The following IFT140 variants were observed in gnomAD, a reference collection of about 807,000 sequenced individuals.
The protein encoded by IFT140 is intraflagellar transport protein 140 homolog.
A neutral mutation model predicts 164.6 loss-of-function variants in IFT140; 133 were observed. That is an observed-to-expected ratio of 0.81 (90% CI 0.70 to 0.93). IFT140 has a LOEUF of 0.93. IFT140 is among the 40% of genes least tolerant of loss of function. IFT140 has a pLI of 0.00. For synonymous variants in IFT140, 860 were observed against 817.3 expected (o/e 1.05, Z -0.89); for missense variants, 2,045 against 1,972.3 (o/e 1.04, Z -0.70).
intron 30 of IFT140, chr16:1,513,253 GC>G (rs1208076052): frequency 6.6e-6 from 1 of 152,242 alleles, no homozygotes; most frequent in Non-Finnish European, 1.5e-5. Flanking sequence ...ACTTTGGGAG[GC>G]CGAGGTGGGC....
chr16:1,576,178 C>T (rs943207559), intron 13 of IFT140, among the ~76,000 whole-genome samples: 5 of 150,944 alleles, frequency 3.3e-5, no homozygotes, highest in African/African-American at 4.9e-5. Flanking sequence ...CCCAGCTACT[C>T]GGGAGGCTGA....
At chr16:1,576,388 G>A (rs968237639) in intron 13 of IFT140, among the ~76,000 whole-genome samples, 15 of 150,976 alleles carry the variant, frequency 9.9e-5, no homozygotes, top group African/African-American at 2.7e-4. Flanking sequence ...TCAAGAGATC[G>A]AGACCATCCT....
At chr16:1,598,943 G>A (rs1441474301) in intron 4 of IFT140, among the ~76,000 whole-genome samples, 3 of 146,530 alleles carry the variant, frequency 2.0e-5, no homozygotes, top group East Asian at 4.1e-4. Flanking sequence ...GTCTCCGCCC[G>A]GCCGCCATCC....
chr16:1,585,070 AAC>A (rs1283868679), intron 10 of IFT140, among the ~76,000 whole-genome samples: 1 of 152,244 alleles, frequency 6.6e-6, no homozygotes, highest in Non-Finnish European at 1.5e-5. Flanking sequence ...AGAGAACAGG[AAC>A]AGAGAGAAAT....
intron 19 of IFT140, among the ~76,000 whole-genome samples, chr16:1,527,414 G>A (rs961685509): frequency 1.6e-4 from 24 of 152,144 alleles, no homozygotes; most frequent in African/African-American, 5.8e-4. Flanking sequence ...GCCTGCAGAC[G>A]GGCTGACCAG....
At chr16:1,567,960 G>T (rs2078192218) in intron 15 of IFT140, among the ~76,000 whole-genome samples, 1 of 152,246 alleles carries the variant, frequency 6.6e-6, no homozygotes, top group African/African-American at 2.4e-5. Context: ...GATGAAGGAG[G>T]ACTTGGAGAA....
intron 9 of IFT140, 140 bp downstream of exon 9, chr16:1,587,058 G>T: frequency 1.5e-6 from 1 of 651,518 alleles, no homozygotes; most frequent in Non-Finnish European, 2.7e-6. Flanking sequence ...GCTTGCCCTT[G>T]CCCGACTATT....
chr16:1,584,334 G>A lies in IFT140; in HGVS notation c.1242C>T (p.His414=). 2 of 1,613,622 alleles carry A rather than the reference G, an allele frequency of 1.2e-6. No individual in the cohort carries two copies. Among genetic ancestry groups the A allele is most frequent in the South Asian group, 1.1e-5 (1 of 90,998 alleles). The change falls in exon 11 of 31, where the codon CAC becomes CAT. Residue 414 remains histidine, a synonymous_variant. Transcript: ENST00000426508. ...LSERAMSSHF[H]QQVAAMQVSP... is the part of the protein sequence containing the mutation. ...AGACCTGCATGGCGGCCACTTGCTGGTGGAAGTGTGACGACATGGCCCGCT... is the reference window on the plus strand; with the variant it reads ...AGACCTGCATGGCGGCCACTTGCTGATGGAAGTGTGACGACATGGCCCGCT...
intron 19 of IFT140, among the ~76,000 whole-genome samples, chr16:1,539,138 C>G (rs1029251082): frequency 5.3e-5 from 8 of 151,192 alleles, no homozygotes; most frequent in Non-Finnish European, 1.0e-4. Context: ...CAGACGGCCC[C>G]ACGCCTCAGG....
rs933559369 is a variant in IFT140 at position 1,612,033 on chromosome 16, C to T, written c.-287G>A. On this transcript the variant is annotated 5_prime_UTR_variant, in exon 1 of 31. Coordinates refer to ENST00000426508, the MANE Select transcript of IFT140 (RefSeq NM_014714.4). ...GCGCCCGATTCCACACTCCGAGCTACCACGCCGTTTTCTTCTCACGTATCC... is the reference window on the plus strand; with the variant it reads ...GCGCCCGATTCCACACTCCGAGCTATCACGCCGTTTTCTTCTCACGTATCC... 2.0e-5 allele frequency: 3 copies of T among 152,268 alleles called. No homozygotes were observed. The highest frequency in any genetic ancestry group is 4.4e-5 in the Non-Finnish European group (3 of 68,078). 9.4% of individuals were successfully genotyped at this position (152,268 alleles called of 1,614,324 possible).
At chr16:1,602,339 T>G in intron 4 of IFT140, 31 bp downstream of exon 4, 2 of 1,594,938 alleles carry the variant, frequency 1.3e-6, no homozygotes, top group East Asian at 4.5e-5. Context: ...GGTCAAGGTC[T>G]GAAAACAGCG....
intron 3 of IFT140, 120 bp downstream of exon 3, chr16:1,607,000 G>T: frequency 1.1e-6 from 1 of 936,602 alleles, no homozygotes; most frequent in Non-Finnish European, 1.7e-6. Flanking sequence ...ACAGATGCAT[G>T]TATACACACA....
Position 1,564,013 on chromosome 16 carries a change from C to A in IFT140, c.2051G>T (p.Gly684Val), listed in dbSNP as rs747136150. The change falls in exon 17 of 31, where the codon GGG (glycine) becomes GTG (valine). Residue 684 changes from glycine to valine, a missense_variant. Physicochemically the swap from Gly to Val is moderately radical, Grantham distance 109 (BLOSUM62 -3). Transcript: ENST00000426508. The surrounding 1 kb of genome is among the most constrained non-coding windows in gnomAD (Gnocchi z 5.5). ...PQSANGQPQD[G>V]RAGPAADVLI... ...AGAGCGTACCGCAGGGCCAGCGCGC[C>A]CATCTTGGGGCTGCCCGTTTGCAGA... 2 of 1,585,202 alleles carry A rather than the reference C, an allele frequency of 1.3e-6. No individual in the cohort carries two copies. Among genetic ancestry groups the A allele is most frequent in the South Asian group, 1.1e-5 (1 of 89,488 alleles).
At chr16:1,526,910 G>T in intron 19 of IFT140, 114 bp from the exon 20 acceptor site, 1 of 1,206,324 alleles carries the variant, frequency 8.3e-7, no homozygotes, top group Non-Finnish European at 1.1e-6. Context: ...AAACGGGCAT[G>T]AGGAGGGGCC....
At chr16:1,541,822 T>C in intron 19 of IFT140, 1 of 1,418,598 alleles carries the variant, frequency 7.0e-7, no homozygotes, top group South Asian at 1.4e-5. Flanking sequence ...CCGACCGCCC[T>C]TTCCGAGGCA....
intron 19 of IFT140, among the ~76,000 whole-genome samples, chr16:1,550,995 C>T (rs1313404386): frequency 2.6e-5 from 4 of 152,300 alleles, no homozygotes; most frequent in South Asian, 2.1e-4. Context: ...ACCAGGGTAG[C>T]GGCATCTACG....
chr16:1,593,796 T>C (rs1037031314), intron 4 of IFT140, among the ~76,000 whole-genome samples: 2 of 151,926 alleles, frequency 1.3e-5, no homozygotes, highest in Non-Finnish European at 2.9e-5. Flanking sequence ...CTGGTGGAGG[T>C]TGTGCTTGTG....
intron 13 of IFT140, among the ~76,000 whole-genome samples, chr16:1,576,187 G>A (rs1189901872): frequency 6.6e-6 from 1 of 151,352 alleles, no homozygotes; most frequent in African/African-American, 2.4e-5. Flanking sequence ...TCGGGAGGCT[G>A]AGAAAGGAGA....
chr16:1,529,152 G>C (rs1040430388), intron 19 of IFT140, among the ~76,000 whole-genome samples: 2 of 152,174 alleles, frequency 1.3e-5, no homozygotes, highest in African/African-American at 4.8e-5. Context: ...CATGTACTCG[G>C]GTGAATTCCA....
Sources: gnomAD v4.1 joint callset for allele counts (sites outside exome capture counted in the v4.1 genomes callset) on GRCh38, gnomAD v4.1.1 for gene constraint, Gnocchi (gnomAD v3.1) non-coding constraint, MANE v1.5 for transcripts, NCBI Gene and HGNC (gene_info 2026-07-23, HGNC 2026-07-21) for gene names.